Variants in GPI observed in about 807,000 individuals in gnomAD.
GPI encodes glucose-6-phosphate isomerase.
Under a neutral mutation model 75.8 loss-of-function variants are expected in GPI, and 56 were observed. That is an observed-to-expected ratio of 0.74 (90% CI 0.60 to 0.92). The LOEUF (loss-of-function observed/expected upper bound fraction) is 0.92. Among genes scored for constraint, GPI ranks in the 40% least tolerant of loss-of-function variants. The pLI is 0.00. For synonymous variants in GPI, 288 were observed against 285.4 expected (o/e 1.01, Z -0.09); for missense variants, 638 against 741.0 (o/e 0.86, Z 1.61).
intron 3 of GPI, 200 bp downstream of exon 3, chr19:34,367,051 T>C (rs2074378039): frequency 1.4e-6 from 1 of 697,684 alleles, no homozygotes; most frequent in South Asian, 1.5e-5. Flanking sequence ...GTGAGCTCCT[T>C]GGAATGGTTC....
At chr19:34,379,179 C>T (rs190292436) in intron 7 of GPI, among the ~76,000 whole-genome samples, 174 bp downstream of exon 7, 1 of 152,366 alleles carries the variant, frequency 6.6e-6, no homozygotes, top group African/African-American at 2.4e-5. Context: ...TTGTCAGACC[C>T]AGCCTTGCAG....
rs759501107 is a variant in GPI, at chr19:34,365,952, C to G, written c.123-393C>G. On this transcript the variant is annotated intron_variant, in intron 1 of 17. Transcript: ENST00000356487. ...GGAGTGCGGCCAAGGGAGCTCTGAT[C>G]ACTGATACTGGTGGAGGCGGGGGAG... 5.6e-5 allele frequency: 28 copies of G among 499,076 alleles called. 1 individual carries two copies. Among genetic ancestry groups the G allele is most frequent in the South Asian group, 4.2e-4 (27 of 64,894 alleles). The allele number at this position is 499,076 out of a possible 1,614,324, so 30.9% of individuals were successfully genotyped here. A position where few individuals can be genotyped will look rare whatever the true frequency, so the allele number is the denominator to read the frequency against.
intron 3 of GPI, among the ~76,000 whole-genome samples, chr19:34,367,512 T>C (rs1264353252): frequency 1.3e-5 from 2 of 152,196 alleles, no homozygotes; most frequent in Non-Finnish European, 2.9e-5. Flanking sequence ...GGAGTGCATT[T>C]GCCAATAAAA....
intron 9 of GPI, 48 bp downstream of exon 9, chr19:34,381,567 A>C (rs756252555): frequency 1.2e-4 from 160 of 1,295,058 alleles, no homozygotes; most frequent in Non-Finnish European, 1.6e-4. Flanking sequence ...TCCTTTGCCA[A>C]GTCATGGCTG....
intron 4 of GPI, among the ~76,000 whole-genome samples, chr19:34,372,211 A>G (rs963859839): frequency 1.3e-5 from 2 of 152,298 alleles, no homozygotes; most frequent in East Asian, 3.9e-4. Context: ...GATTACAGGC[A>G]TGAGCCACCA....
chr19:34,382,543 C>T (rs893624585), intron 9 of GPI, among the ~76,000 whole-genome samples: 1 of 152,086 alleles, frequency 6.6e-6, no homozygotes, highest in Non-Finnish European at 1.5e-5. Flanking sequence ...GGCTCAGATG[C>T]GGAACACTGG....
chr19:34,395,573 C>T (rs1599856020), intron 12 of GPI, among the ~76,000 whole-genome samples: 1 of 152,238 alleles, frequency 6.6e-6, no homozygotes, highest in South Asian at 2.1e-4. Flanking sequence ...GCACTCTGGA[C>T]CCCAGCCTGC....
intron 9 of GPI, among the ~76,000 whole-genome samples, chr19:34,390,329 G>A (rs934792850): frequency 1.3e-5 from 2 of 152,212 alleles, no homozygotes; most frequent in Admixed American, 6.5e-5. Context: ...CTAGCCAAGT[G>A]TAGCAGAGAG....
chr19:34,361,384 G>A (rs1333364505), upstream of GPI, among the ~76,000 whole-genome samples: 2 of 152,054 alleles, frequency 1.3e-5, no homozygotes, highest in Non-Finnish European at 2.9e-5. Flanking sequence ...GAGCCACCGT[G>A]CCCGGCCTCA....
chr19:34,362,113 CAAAAA>C (rs71165651), upstream of GPI, among the ~76,000 whole-genome samples: 53 of 79,652 alleles, frequency 6.7e-4, no homozygotes, highest in African/African-American at 1.9e-3. Flanking sequence ...GACTCCATCT[CAAAAA>C]AAAAAAAAAA....
chr19:34,381,577 G>A, intron 9 of GPI, 58 bp downstream of exon 9: 6 of 1,147,472 alleles, frequency 5.2e-6, no homozygotes, highest in Non-Finnish European at 8.0e-6. Context: ...AGTCATGGCT[G>A]TTGAGAGGCC....
At chr19:34,388,590 C>T (rs1347357099) in intron 9 of GPI, among the ~76,000 whole-genome samples, 1 of 152,208 alleles carries the variant, frequency 6.6e-6, no homozygotes, top group Admixed American at 6.5e-5. Context: ...TGAGGAGCTG[C>T]ATCTATAATG....
At chr19:34,368,073 C>T (rs1373599609) in intron 3 of GPI, among the ~76,000 whole-genome samples, 1 of 152,086 alleles carries the variant, frequency 6.6e-6, no homozygotes, top group Non-Finnish European at 1.5e-5. Flanking sequence ...GTGTGTGCCA[C>T]CCCCACCTGG....
chr19:34,376,282 G>A (rs535705722), intron 4 of GPI, among the ~76,000 whole-genome samples: 2 of 152,182 alleles, frequency 1.3e-5, no homozygotes, highest in African/African-American at 2.4e-5. Flanking sequence ...TAGGCTTTGC[G>A]TGGTGGCTCA....
At position 34,379,405 on chromosome 19, in the gene GPI, C is replaced by T. The variant is rs8191381; in HGVS notation, c.706-113C>T. The T allele has an allele frequency of 7.0e-3, 6,847 of 971,462 alleles. 264 individuals are homozygous for T. In the African/African-American group the frequency reaches 0.096, roughly 14 times the overall value. The allele number at this position is 971,462 out of a possible 1,614,324, so 60.2% of individuals were successfully genotyped here. A position where few individuals can be genotyped will look rare whatever the true frequency, so the allele number is the denominator to read the frequency against. ...TGGGCCTTCTCCAACAGTCTCAGAA[C>T]CAAGGACTGGGAATCTCAGTCCCAT... On this transcript the variant is annotated intron_variant, in intron 7 of 17. Transcript: ENST00000356487.
At position 34,366,996 on chromosome 19, in the gene GPI, G is replaced by C. The variant is rs771150948; in HGVS notation, c.282+145G>C. 6.9e-6 allele frequency: 5 copies of C among 724,488 alleles called. No individual in the cohort carries two copies. The South Asian group carries it at 7.4e-5, about 11-fold the overall frequency. 44.9% of individuals were successfully genotyped at this position (724,488 alleles called of 1,614,324 possible). A position where few individuals can be genotyped will look rare whatever the true frequency, so the allele number is the denominator to read the frequency against. ...GGGGCCTGAAGGCCTTTTTCCTCCTGCTTGTAGCAGGGCTTTGGGGTGTGC... is the reference window on the plus strand; with the variant it reads ...GGGGCCTGAAGGCCTTTTTCCTCCTCCTTGTAGCAGGGCTTTGGGGTGTGC... On this transcript the variant is annotated intron_variant, in intron 3 of 17. Coordinates refer to ENST00000356487, the MANE Select transcript of GPI (RefSeq NM_000175.5).
chr19:34,368,751 T>C (rs979513384), intron 4 of GPI, 49 bp downstream of exon 4: 11 of 1,612,040 alleles, frequency 6.8e-6, no homozygotes, highest in Non-Finnish European at 9.3e-6. Flanking sequence ...GTGTGAGTTA[T>C]TTGGGAATCT....
upstream of GPI, among the ~76,000 whole-genome samples, chr19:34,361,494 G>T (rs1425109746): frequency 6.6e-6 from 1 of 152,208 alleles, no homozygotes; most frequent in Non-Finnish European, 1.5e-5. Context: ...GCATGGAGCT[G>T]TGCACGTAGT....
chr19:34,365,890 G>A (rs1043339887), intron 1 of GPI: 5 of 472,778 alleles, frequency 1.1e-5, no homozygotes, highest in African/African-American at 7.9e-5. Flanking sequence ...GTGCACGACC[G>A]GGAAGTGGGA....
Sources: gnomAD v4.1 joint callset for allele counts (sites outside exome capture counted in the v4.1 genomes callset) on GRCh38, gnomAD v4.1.1 for gene constraint, MANE v1.5 for transcripts, NCBI Gene and HGNC (gene_info 2026-07-23, HGNC 2026-07-21) for gene names.